Variants in FIRRM observed in about 807,000 individuals in gnomAD.
FIRRM encodes FIGNL1-interacting regulator of recombination and mitosis.
the FIRRM span, among the ~76,000 whole-genome samples, chr1:169,801,544 G>A: frequency 1.5e-5 from 2 of 132,004 alleles, no homozygotes; most frequent in Admixed American, 8.0e-5. Context: ...AAATGCTCTT[G>A]TATTTTAAAG....
the FIRRM span, among the ~76,000 whole-genome samples, chr1:169,811,477 GA>G: frequency 6.6e-6 from 1 of 151,944 alleles, no homozygotes; most frequent in Non-Finnish European, 1.5e-5. Flanking sequence ...AACACAGGGA[GA>G]CCCCCATCTC....
At chr1:169,827,206 T>C in the FIRRM span, 2 of 1,608,152 alleles carry the variant, frequency 1.2e-6, no homozygotes, top group South Asian at 1.1e-5. Flanking sequence ...TTAGGTAAGC[T>C]TCAAAATAGA....
the FIRRM span, among the ~76,000 whole-genome samples, chr1:169,814,253 C>T: frequency 2.0e-5 from 3 of 151,974 alleles, no homozygotes; most frequent in Non-Finnish European, 4.4e-5. Flanking sequence ...AAACTTAGCA[C>T]ACAGAGACCA....
chr1:169,823,290 AT>A, the FIRRM span: 1 of 538,166 alleles, frequency 1.9e-6, no homozygotes, highest in Non-Finnish European at 3.2e-6. Flanking sequence ...AAAACAAATA[AT>A]TTTTTTAAAA....
At chr1:169,793,595 G>C in the FIRRM span, 3 of 1,614,184 alleles carry the variant, frequency 1.9e-6, no homozygotes, top group Non-Finnish European at 2.5e-6. Context: ...TTCTGAGACT[G>C]ACAGCTCTTT....
At chr1:169,853,905 A>G in the FIRRM span, 1 of 945,970 alleles carries the variant, frequency 1.1e-6, no homozygotes, top group Non-Finnish European at 1.6e-6. Context: ...TAAGTAAAAT[A>G]ACTTAGAGCT....
At chr1:169,825,214 A>G in the FIRRM span, among the ~76,000 whole-genome samples, 1 of 152,196 alleles carries the variant, frequency 6.6e-6, no homozygotes, top group Non-Finnish European at 1.5e-5. Context: ...TTTGTTCTCC[A>G]CAAAGTAGCC....
the FIRRM span, chr1:169,827,716 C>T: frequency 6.2e-7 from 1 of 1,613,928 alleles, no homozygotes. Flanking sequence ...GTAAGACCTG[C>T]CATGTGAACT....
the FIRRM span, among the ~76,000 whole-genome samples, chr1:169,838,405 T>TA: frequency 5.3e-5 from 8 of 152,226 alleles, no homozygotes; most frequent in Admixed American, 5.2e-4. Flanking sequence ...GCACTATAAG[T>TA]AAACTTTTTG....
chr1:169,846,694 A>C, the FIRRM span, among the ~76,000 whole-genome samples: 1 of 152,106 alleles, frequency 6.6e-6, no homozygotes, highest in Non-Finnish European at 1.5e-5. Context: ...AGAATTGGAG[A>C]GAGGGCCTGG....
the FIRRM span, chr1:169,849,573 A>G: frequency 3.1e-6 from 5 of 1,613,902 alleles, no homozygotes; most frequent in Admixed American, 1.7e-5. Flanking sequence ...CTAGAACAAC[A>G]TACCTTGGAG....
chr1:169,793,467 T>C, the FIRRM span: 7 of 1,614,092 alleles, frequency 4.3e-6, no homozygotes, highest in African/African-American at 9.3e-5. Context: ...CTGAGTGGAC[T>C]GTCTGTGTCT....
At chr1:169,807,753 C>A in the FIRRM span, 2 of 1,526,650 alleles carry the variant, frequency 1.3e-6, no homozygotes, top group South Asian at 1.3e-5. Flanking sequence ...TGATGTGTTA[C>A]TTGTGGTGAT....
chr1:169,822,896 A>G, the FIRRM span, among the ~76,000 whole-genome samples: 1 of 152,218 alleles, frequency 6.6e-6, no homozygotes, highest in African/African-American at 2.4e-5. Flanking sequence ...ACGTTTGAAC[A>G]TTGTGGTTAA....
the FIRRM span, among the ~76,000 whole-genome samples, chr1:169,829,985 G>A: frequency 6.6e-6 from 1 of 152,166 alleles, no homozygotes; most frequent in Non-Finnish European, 1.5e-5. Flanking sequence ...AGGCTACTTA[G>A]AGAATCTTTG....
At chr1:169,832,387 C>G in the FIRRM span, 33 of 1,461,514 alleles carry the variant, frequency 2.3e-5, no homozygotes, top group African/African-American at 1.8e-4. Context: ...ATTAGTCAGT[C>G]TCTCCTCTCT....
the FIRRM span, among the ~76,000 whole-genome samples, chr1:169,801,441 G>A: frequency 1.5e-4 from 14 of 96,396 alleles, no homozygotes; most frequent in Admixed American, 6.4e-4. Flanking sequence ...GCGATGCTCC[G>A]TCTCAAAAAA....
the FIRRM span, among the ~76,000 whole-genome samples, chr1:169,838,473 A>C: frequency 6.6e-6 from 1 of 151,758 alleles, no homozygotes. Flanking sequence ...TTTTATTTTA[A>C]ATTTTTTCAA....
At chr1:169,801,368 C>T in the FIRRM span, among the ~76,000 whole-genome samples, 1 of 145,378 alleles carries the variant, frequency 6.9e-6, no homozygotes, top group Non-Finnish European at 1.5e-5. Flanking sequence ...TTGCTTGAGC[C>T]TGGGAGGCGG....
Sources: allele counts gnomAD v4.1 joint callset (sites outside exome capture counted in the v4.1 genomes callset), GRCh38; gene constraint gnomAD v4.1.1; transcripts MANE v1.5; gene names NCBI Gene and HGNC (gene_info 2026-07-23, HGNC 2026-07-21).